Variants in INSYN2A observed in about 807,000 individuals in gnomAD.
The protein encoded by INSYN2A is inhibitory synaptic factor 2A, also known as family with sequence similarity 196 member A.
In INSYN2A, 17 loss-of-function variants were observed where a neutral mutation model predicts 39.4. The ratio of observed to expected loss-of-function variants is 0.43; its 90% CI spans 0.30 to 0.65. INSYN2A has a LOEUF of 0.65. Among genes scored for constraint, INSYN2A ranks in the 30% least tolerant of loss-of-function variants. INSYN2A has a pLI of 0.14. For synonymous variants in INSYN2A, 255 were observed against 265.7 expected, an observed-to-expected ratio of 0.96 and a Z score of 0.39; for missense variants, 595 against 631.2, an observed-to-expected ratio of 0.94 and a Z score of 0.61.
chr10:127,141,678 A>G (rs1427682085), intron 5 of INSYN2A, among the ~76,000 whole-genome samples: 2 of 147,136 alleles, frequency 1.4e-5, no homozygotes, highest in Non-Finnish European at 1.5e-5. Flanking sequence ...CTTTAAAACA[A>G]AAAAAAAAAA....
Position 127,176,582 on chromosome 10 carries a change from A to G in INSYN2A, c.-5-182T>C, listed in dbSNP as rs1186147816. 6.6e-6 allele frequency among the ~76,000 whole-genome samples: 1 copy of G among 152,168 alleles called. No homozygotes were observed. The highest frequency in any genetic ancestry group is 1.5e-5 in the Non-Finnish European group (1 of 68,030). On this transcript the variant is annotated intron_variant, in intron 3 of 5. Transcript: ENST00000522781. This position sits in a 1 kb window ranked among gnomAD's most constrained non-coding sequence, Gnocchi z 4.4. The stretch of plus-strand genomic sequence containing the variant: ...GAGAGTCGCTGGCAGCACAGCTTGA[A>G]ATGCTTCTCAGATATTAAAGCCTGC...
At chr10:127,163,012 C>G (rs1015371966) in intron 4 of INSYN2A, among the ~76,000 whole-genome samples, 2 of 152,208 alleles carry the variant, frequency 1.3e-5, no homozygotes, top group Non-Finnish European at 1.5e-5. Context: ...AACCTGCATC[C>G]TTGGTCCGGG....
At chr10:127,185,582 T>C (rs1376115984) in intron 2 of INSYN2A, among the ~76,000 whole-genome samples, 1 of 152,174 alleles carries the variant, frequency 6.6e-6, no homozygotes, top group African/African-American at 2.4e-5. Context: ...AGGATGAGTG[T>C]ACAATATTAA....
rs11594560 is a variant in INSYN2A, at chr10:127,175,956, G to A, written c.440C>T (p.Ala147Val). 416,053 of 1,613,982 alleles carry A rather than the reference G, an allele frequency of 0.26. 57,156 individuals carry two copies. The highest frequency in any genetic ancestry group is 0.29 in the South Asian group (26,813 of 91,070). Residue 147 changes from alanine (A) to valine (V), a missense_variant, in exon 4 of 6, where the codon GCG becomes GTG. Coordinates refer to ENST00000522781, the MANE Select transcript of INSYN2A (RefSeq NM_001039762.3). The surrounding 1 kb of genome is among the most constrained non-coding windows in gnomAD (Gnocchi z 6.3). ...KSQNNGFLTD[A>V]KEKNEAGPME... Reference sequence around the variant, plus strand: ...GGGTCCAGCCTCGTTCTTCTCTTTCGCATCTGTTAGAAACCCATTGTTTTG... The same window carrying A: ...GGGTCCAGCCTCGTTCTTCTCTTTCACATCTGTTAGAAACCCATTGTTTTG...
intron 4 of INSYN2A, among the ~76,000 whole-genome samples, chr10:127,169,853 A>G (rs1284466952): frequency 1.3e-5 from 2 of 152,072 alleles, no homozygotes; most frequent in African/African-American, 2.4e-5. Flanking sequence ...TGTTTTTGGT[A>G]AAGTTGAGCA....
chr10:127,137,781 G>T lies in INSYN2A; in HGVS notation c.*56C>A. The T allele has an allele frequency of 6.7e-7, 1 of 1,495,870 alleles. No homozygotes were observed. Among genetic ancestry groups the T allele is most frequent in the South Asian group, 1.3e-5 (1 of 78,836 alleles). 92.7% of individuals were successfully genotyped at this position (1,495,870 alleles called of 1,614,324 possible). ...ATCCTATTCATTTTGGAAAAGTATTGACTTAAACTCCAGTGGGTTCTAAAG... is the reference window on the plus strand; with the variant it reads ...ATCCTATTCATTTTGGAAAAGTATTTACTTAAACTCCAGTGGGTTCTAAAG... On this transcript the variant is annotated 3_prime_UTR_variant, in exon 6 of 6. Transcript: ENST00000522781.
At chr10:127,145,356 T>G (rs762986324) in intron 5 of INSYN2A, among the ~76,000 whole-genome samples, 1 of 152,186 alleles carries the variant, frequency 6.6e-6, no homozygotes, top group African/African-American at 2.4e-5. Context: ...GCATATCTTA[T>G]GCCATCCCCC....
At chr10:127,159,747 G>A (rs1351966688) in intron 4 of INSYN2A, among the ~76,000 whole-genome samples, 4 of 152,142 alleles carry the variant, frequency 2.6e-5, no homozygotes, top group Admixed American at 2.6e-4. Flanking sequence ...ACAAAGAAGG[G>A]CAGGCCCATG....
rs1226477636 is a variant in INSYN2A at position 127,186,521 on chromosome 10, C to G, written c.-269+6084G>C. Among the ~76,000 whole-genome samples, 36 of 84,798 alleles carry G rather than the reference C, an allele frequency of 4.2e-4. 4 individuals carry two copies. Among genetic ancestry groups the G allele is most frequent in the African/African-American group, 1.2e-3 (31 of 25,318 alleles). 55.6% of individuals were successfully genotyped at this position (84,798 alleles called of 152,430 possible). On this transcript the variant is annotated intron_variant, in intron 2 of 5. Coordinates refer to ENST00000522781, the MANE Select transcript of INSYN2A (RefSeq NM_001039762.3). ...TGGGAGAAACCGCCCCCCCGCCCCC[C>G]CCCGATCCAGTTACCTCCACCCAGT...
Position 127,175,752 on chromosome 10 carries a change from G to C in INSYN2A, c.644C>G (p.Pro215Arg). The C allele has an allele frequency of 6.2e-7, 1 of 1,614,154 alleles. No homozygotes were observed. ...GEAALQNSTR[P>R]PSEEPDYQLL... is the part of the protein sequence containing the mutation. ...CTGGTAATCGGGCTCTTCGGATGGA[G>C]GCCGAGTGGAGTTTTGGAGCGCAGC... Residue 215 changes from proline (P) to arginine (R), a missense_variant, in exon 4 of 6, where the codon CCT (proline) becomes CGT (arginine). This residue lies in a region of INSYN2A where 478 missense variants were observed against 467.4 expected (regional missense o/e 1.02). Coordinates refer to ENST00000522781, the MANE Select transcript of INSYN2A (RefSeq NM_001039762.3). The surrounding 1 kb of genome is among the most constrained non-coding windows in gnomAD (Gnocchi z 6.3).
At chr10:127,168,197 C>G (rs538248770) in intron 4 of INSYN2A, among the ~76,000 whole-genome samples, 1 of 152,196 alleles carries the variant, frequency 6.6e-6, no homozygotes, top group Admixed American at 6.5e-5. Context: ...GAATCTCACT[C>G]TGGAAAAATG....
intron 5 of INSYN2A, 78 bp from the exon 6 acceptor site, chr10:127,138,098 G>A: frequency 7.7e-7 from 1 of 1,291,932 alleles, no homozygotes; most frequent in South Asian, 1.5e-5. Flanking sequence ...AGCAAGATTT[G>A]GGCATGATCA....
At chr10:127,195,459 T>G (rs2057045110) in intron 1 of INSYN2A, among the ~76,000 whole-genome samples, 1 of 152,060 alleles carries the variant, frequency 6.6e-6, no homozygotes, top group African/African-American at 2.4e-5. Context: ...CGTGGGCATC[T>G]GCCTTCACTG....
intron 5 of INSYN2A, among the ~76,000 whole-genome samples, chr10:127,141,776 T>G (rs1203251084): frequency 6.6e-6 from 1 of 152,166 alleles, no homozygotes; most frequent in Non-Finnish European, 1.5e-5. Flanking sequence ...CCCTGTGTCC[T>G]CCCACAATGA....
chr10:127,194,323 A>T (rs1003287719), intron 1 of INSYN2A, among the ~76,000 whole-genome samples: 1 of 152,248 alleles, frequency 6.6e-6, no homozygotes, highest in Non-Finnish European at 1.5e-5. Flanking sequence ...ATGGATAGTA[A>T]ATGATTAATA....
intron 5 of INSYN2A, among the ~76,000 whole-genome samples, chr10:127,150,933 C>T (rs1050190283): frequency 3.3e-5 from 5 of 152,194 alleles, no homozygotes; most frequent in Non-Finnish European, 5.9e-5. Context: ...GTCTGGGCCT[C>T]ACCTCTAAAG....
intron 4 of INSYN2A, among the ~76,000 whole-genome samples, chr10:127,159,169 GT>G: frequency 6.6e-6 from 1 of 152,218 alleles, no homozygotes; most frequent in East Asian, 1.9e-4. Flanking sequence ...ATTCTACAAG[GT>G]GGTTTTTGTG....
intron 4 of INSYN2A, among the ~76,000 whole-genome samples, chr10:127,165,070 A>C (rs957761556): frequency 6.6e-6 from 1 of 152,246 alleles, no homozygotes; most frequent in African/African-American, 2.4e-5. Context: ...GAATGTGAGT[A>C]TACTGTATTA....
At chr10:127,161,646 T>C (rs1462973478) in intron 4 of INSYN2A, among the ~76,000 whole-genome samples, 1 of 152,176 alleles carries the variant, frequency 6.6e-6, no homozygotes, top group East Asian at 1.9e-4. Flanking sequence ...GCTGCCCGGC[T>C]GCCACCTTTT....
Sources: gnomAD v4.1 joint callset for allele counts (sites outside exome capture counted in the v4.1 genomes callset) on GRCh38, gnomAD v4.1.1 for gene constraint, gnomAD v4.1.1 regional missense constraint, Gnocchi (gnomAD v3.1) non-coding constraint, MANE v1.5 for transcripts, NCBI Gene and HGNC (gene_info 2026-07-23, HGNC 2026-07-21) for gene names.